XYLT2: variants seen among roughly 807,000 people sequenced by gnomAD.
XYLT2 encodes the protein UDP-D-xylose:proteoglycan core protein beta-D-xylosyltransferase.
Under a neutral mutation model 82.6 loss-of-function variants are expected in XYLT2, and 37 were observed. The ratio of observed to expected loss-of-function variants is 0.45; its 90% confidence interval spans 0.34 to 0.59. The LOEUF (loss-of-function observed/expected upper bound fraction) is 0.59. Among genes scored for constraint, XYLT2 ranks in the 20% least tolerant of loss-of-function variants. The pLI is 0.01. For missense variants in XYLT2, 934 were observed against 1,181.3 expected, an observed-to-expected ratio of 0.79 and a Z score of 3.07; for synonymous variants, 474 against 499.0, an observed-to-expected ratio of 0.95 and a Z score of 0.67.
Position 50,360,353 on chromosome 17 carries a change from G to A in XYLT2, c.*62G>A. 1 of 1,470,470 alleles carries A rather than the reference G, an allele frequency of 6.8e-7. No homozygotes were observed. Among genetic ancestry groups the A allele is most frequent in the Non-Finnish European group, 9.0e-7 (1 of 1,109,998 alleles). 91.1% of individuals were successfully genotyped at this position (1,470,470 alleles called of 1,614,324 possible). A position where few individuals can be genotyped will look rare whatever the true frequency, so the allele number is the denominator to read the frequency against. On this transcript the variant is annotated 3_prime_UTR_variant, in exon 11 of 11. Coordinates refer to ENST00000017003, the MANE Select transcript of XYLT2 (RefSeq NM_022167.4). ...ATTGCACCTTACAGACAGTGGAGGG[G>A]TGTCCCCTCCCACAGGCAAGAACCA...
rs1454585720 is a variant in XYLT2, at chr17:50,355,011, C to G, written c.962C>G (p.Ala321Gly). The change falls in exon 4 of 11, where the codon GCC becomes GGC. Residue 321 changes from alanine (A) to glycine (G), a missense_variant. By Grantham distance (60) the Ala-to-Gly change is moderately conservative (BLOSUM62 0). Coordinates refer to ENST00000017003, the MANE Select transcript of XYLT2 (RefSeq NM_022167.4). Reference sequence around the variant, plus strand: ...GACCTGCTAGAGGTGCCTGGCTGGGCCTGGGACTTCTTCATCAACCTCAGT... The same window carrying G: ...GACCTGCTAGAGGTGCCTGGCTGGGGCTGGGACTTCTTCATCAACCTCAGT... ...MRDLLEVPGWAWDFFINLSAT... is the reference protein window; with the variant it reads ...MRDLLEVPGWGWDFFINLSAT... 1.3e-6 allele frequency: 2 copies of G among 1,541,484 alleles called. No homozygotes were observed. Among genetic ancestry groups the G allele is most frequent in the Non-Finnish European group, 1.7e-6 (2 of 1,144,530 alleles).
In XYLT2 at chr17:50,355,540, G is replaced by C. The variant is rs1392276691; in HGVS notation, c.1047G>C (p.Arg349=). The change falls in exon 5 of 11, where the codon CGG becomes CGC. Residue 349 remains arginine (R), a synonymous_variant. Transcript: ENST00000017003. The stretch of plus-strand genomic sequence containing the variant: ...TGGTGGCATTCCTATCCAAGAACCG[G>C]GACAAGAATTTCCTCAAGTCACATG... ...EELVAFLSKN[R]DKNFLKSHGR... is the part of the protein sequence containing the mutation. The C allele has an allele frequency of 6.2e-7, 1 of 1,614,146 alleles. No homozygotes were observed. Among genetic ancestry groups the C allele is most frequent in the East Asian group, 2.2e-5 (1 of 44,880 alleles).
At chr17:50,352,413 T>C (rs553339304) in intron 1 of XYLT2, among the ~76,000 whole-genome samples, 1 of 152,286 alleles carries the variant, frequency 6.6e-6, no homozygotes. Flanking sequence ...CCTGGAGAGA[T>C]GGAGCTGACA....
intron 6 of XYLT2, 35 bp downstream of exon 6, chr17:50,356,032 G>A (rs1371497557): frequency 1.2e-6 from 2 of 1,614,052 alleles, no homozygotes; most frequent in Non-Finnish European, 1.7e-6. Flanking sequence ...GCCAGGGAGG[G>A]CGTGGGTTGG....
At chr17:50,355,419 A>G (rs758803495) in intron 4 of XYLT2, 82 bp from the exon 5 acceptor site, 189 of 1,465,004 alleles carry the variant, frequency 1.3e-4, no homozygotes, top group Non-Finnish European at 1.8e-4. Flanking sequence ...TCAGGCAGAG[A>G]AGAAAAGCCA....
chr17:50,346,145 T>G lies in XYLT2; in HGVS notation c.5T>G (p.Val2Gly), dbSNP rs1472707539. The G allele has an allele frequency of 2.4e-6, 3 of 1,255,356 alleles. No individual in the cohort carries two copies. In the East Asian group the frequency reaches 1.4e-4, roughly 60 times the overall value. The allele number at this position is 1,255,356 out of a possible 1,614,324, so 77.8% of individuals were successfully genotyped here. A position where few individuals can be genotyped will look rare whatever the true frequency, so the allele number is the denominator to read the frequency against. The change falls in exon 1 of 11, where the codon GTG becomes GGG. Residue 2 changes from valine to glycine, a missense_variant. Val to Gly is a moderately radical substitution (Grantham distance 109). Coordinates refer to ENST00000017003, the MANE Select transcript of XYLT2 (RefSeq NM_022167.4). This position sits in a 1 kb window ranked among gnomAD's most constrained non-coding sequence, Gnocchi z 5.1. M[V>G]ASARVQKLVR... ...CCCCGCGTCCCGGGCAGGAAGATGG[T>G]GGCGAGCGCGCGAGTGCAGAAGCTG...
intron 7 of XYLT2, 100 bp from the exon 8 acceptor site, chr17:50,356,411 G>T: frequency 6.4e-7 from 1 of 1,552,528 alleles, no homozygotes. Context: ...AGCAGGAAAA[G>T]CCGCAGGAGG....
chr17:50,360,740 G>GCCTCACTCTCCAGGGCCTC lies in XYLT2; in HGVS notation c.*450_*468dup, dbSNP rs772599210. 1.4e-3 allele frequency: 1,386 copies of GCCTCACTCTCCAGGGCCTC among 988,410 alleles called. 1 individual carries two copies. Among genetic ancestry groups the GCCTCACTCTCCAGGGCCTC allele is most frequent in the Admixed American group, 1.6e-3 (27 of 16,398 alleles). 61.2% of individuals were successfully genotyped at this position (988,410 alleles called of 1,614,324 possible). A position where few individuals can be genotyped will look rare whatever the true frequency, so the allele number is the denominator to read the frequency against. On this transcript the variant is annotated 3_prime_UTR_variant, in exon 11 of 11. Transcript: ENST00000017003. ...TATTGTTCTGCACGAGGCTGGGCCTGCCTCACTCTCCAGGGCCTCATGCCC... is the reference window on the plus strand; with the variant it reads ...TATTGTTCTGCACGAGGCTGGGCCTGCCTCACTCTCCAGGGCCTCCCTCACTCTCCAGGGCCTCATGCCC...
At position 50,355,842 on chromosome 17, in the gene XYLT2, C is replaced by A; in HGVS notation, c.1150C>A (p.Leu384Met). 1 of 1,614,250 alleles carries A rather than the reference C, an allele frequency of 6.2e-7. No individual in the cohort carries two copies. The highest frequency in any genetic ancestry group is 1.3e-5 in the African/African-American group (1 of 75,072). Reference protein sequence around the residue: ...FHECDSHMWRLGERQIPAGIV... With the variant: ...FHECDSHMWRMGERQIPAGIV... ...TGAGTGCGACTCACACATGTGGCGC[C>A]TGGGCGAGCGGCAGATCCCAGCAGG... The change falls in exon 6 of 11, where the codon CTG becomes ATG. Residue 384 changes from leucine (L) to methionine (M), a missense_variant. By Grantham distance (15) the Leu-to-Met change is conservative. Transcript: ENST00000017003.
chr17:50,347,900 C>G (rs1912105504), intron 1 of XYLT2, among the ~76,000 whole-genome samples: 1 of 152,226 alleles, frequency 6.6e-6, no homozygotes, highest in Non-Finnish European at 1.5e-5. Context: ...AGACCACCAG[C>G]AAATCACTTT....
rs1195279192 is a variant in XYLT2, at chr17:50,354,708, G to A, written c.804+125G>A. 7.2e-6 allele frequency: 11 copies of A among 1,522,756 alleles called. No homozygotes were observed. In the Admixed American group the frequency reaches 7.4e-5, roughly 10 times the overall value. 94.3% of individuals were successfully genotyped at this position (1,522,756 alleles called of 1,614,324 possible). A position where few individuals can be genotyped will look rare whatever the true frequency, so the allele number is the denominator to read the frequency against. On this transcript the variant is annotated intron_variant, in intron 3 of 10. Coordinates refer to ENST00000017003, the MANE Select transcript of XYLT2 (RefSeq NM_022167.4). Reference sequence around the variant, plus strand: ...AGGGAAACTGAGGCCCTGAACAGGGGAGTGGCAGCACGAGCCAGCTCAGCC... The same window carrying A: ...AGGGAAACTGAGGCCCTGAACAGGGAAGTGGCAGCACGAGCCAGCTCAGCC...
At chr17:50,357,742 A>T in intron 9 of XYLT2, 3 of 156,144 alleles carry the variant, frequency 1.9e-5, no homozygotes, top group Admixed American at 6.5e-5. Context: ...CGCCCAGCTA[A>T]TTTTTTTTTT....
At chr17:50,349,848 A>G (rs1912183375) in intron 1 of XYLT2, among the ~76,000 whole-genome samples, 1 of 152,020 alleles carries the variant, frequency 6.6e-6, no homozygotes, top group Non-Finnish European at 1.5e-5. Flanking sequence ...TTCACGTTTG[A>G]CTAATTTCCT....
intron 1 of XYLT2, among the ~76,000 whole-genome samples, chr17:50,352,017 C>T (rs1912291693): frequency 6.6e-6 from 1 of 152,146 alleles, no homozygotes; most frequent in Non-Finnish European, 1.5e-5. Context: ...GGAGAAAAGC[C>T]AGGTGGGTAT....
intron 1 of XYLT2, among the ~76,000 whole-genome samples, chr17:50,350,803 G>A (rs943476577): frequency 1.3e-5 from 2 of 151,822 alleles, no homozygotes; most frequent in Non-Finnish European, 2.9e-5. Flanking sequence ...GGTCTGGGTG[G>A]CCCTACTGAG....
At position 50,360,576 on chromosome 17, in the gene XYLT2, T is replaced by TTC; in HGVS notation, c.*286_*287insCT. On this transcript the variant is annotated 3_prime_UTR_variant, in exon 11 of 11. Coordinates refer to ENST00000017003, the MANE Select transcript of XYLT2 (RefSeq NM_022167.4). ...AGTTTGAATTTCTTTTTTTTCTTTTTTTTTTTTTTTTTTTAATTTAAAAAG... is the reference window on the plus strand; with the variant it reads ...AGTTTGAATTTCTTTTTTTTCTTTTTTCTTTTTTTTTTTTTTAATTTAAAAAG... 8.7e-7 allele frequency: 1 copy of TTC among 1,144,186 alleles called. No homozygotes were observed. Among genetic ancestry groups the TTC allele is most frequent in the African/African-American group, 1.6e-5 (1 of 61,542 alleles). 70.9% of individuals were successfully genotyped at this position (1,144,186 alleles called of 1,614,324 possible). A position where few individuals can be genotyped will look rare whatever the true frequency, so the allele number is the denominator to read the frequency against.
chr17:50,348,734 C>T (rs756791115), intron 1 of XYLT2, among the ~76,000 whole-genome samples: 1 of 152,174 alleles, frequency 6.6e-6, no homozygotes, highest in Non-Finnish European at 1.5e-5. Context: ...GAGAAGGATT[C>T]TAAGGTGGAG....
chr17:50,347,896 C>A (rs1386311564), intron 1 of XYLT2, among the ~76,000 whole-genome samples: 2 of 152,240 alleles, frequency 1.3e-5, no homozygotes, highest in Non-Finnish European at 2.9e-5. Flanking sequence ...GAGAAGACCA[C>A]CAGCAAATCA....
At chr17:50,349,720 G>C (rs1048933937) in intron 1 of XYLT2, among the ~76,000 whole-genome samples, 3 of 152,110 alleles carry the variant, frequency 2.0e-5, no homozygotes, top group African/African-American at 7.2e-5. Context: ...CATACTGGTA[G>C]TGGGTAGGGT....
Sources: allele counts gnomAD v4.1 joint callset (sites outside exome capture counted in the v4.1 genomes callset), GRCh38; gene constraint gnomAD v4.1.1; non-coding constraint Gnocchi (gnomAD v3.1); transcripts MANE v1.5; gene names NCBI Gene and HGNC (gene_info 2026-07-23, HGNC 2026-07-21).